Variants in PTPN3 observed in about 807,000 individuals in gnomAD.
The protein encoded by PTPN3 is protein tyrosine phosphatase non-receptor type 3.
In PTPN3, 96 loss-of-function variants were observed where a neutral mutation model predicts 132.7. The observed-to-expected ratio is 0.72, with a 90% CI of 0.61 to 0.86. The LOEUF (loss-of-function observed/expected upper bound fraction) is 0.86. Among genes scored for constraint, PTPN3 ranks in the 40% least tolerant of loss-of-function variants. The probability of loss-of-function intolerance (pLI) is 0.00; values close to 1 mark genes in which losing one functional copy is unlikely to be tolerated. For synonymous variants in PTPN3, 398 were observed against 429.0 expected (o/e 0.93, Z 0.89); for missense variants, 1,125 against 1,159.6 (o/e 0.97, Z 0.43).
chr9:109,413,523 G>A (rs1194937367), intron 14 of PTPN3, among the ~76,000 whole-genome samples: 1 of 152,232 alleles, frequency 6.6e-6, no homozygotes, highest in African/African-American at 2.4e-5. Context: ...TGGGCAGAAT[G>A]CAGTGCGGCT....
chr9:109,464,580 C>A (rs150321106), intron 1 of PTPN3, among the ~76,000 whole-genome samples: 1 of 152,138 alleles, frequency 6.6e-6, no homozygotes, highest in East Asian at 1.9e-4. Flanking sequence ...TTTAAAGTCA[C>A]GACAATTCAA....
Position 109,408,324 on chromosome 9 carries a change from T to C in PTPN3, c.1632A>G (p.Ser544=). ...PLVVSRINPE[S]PADTCIPKLN... Reference sequence around the variant, plus strand: ...AACATGGAATGTATTTACTTACAGGTGACTCTGGGTTTATCCTTGATACCA... The same window carrying C: ...AACATGGAATGTATTTACTTACAGGCGACTCTGGGTTTATCCTTGATACCA... The change falls in exon 17 of 26, where the codon TCA becomes TCG. Residue 544 remains serine (S), a synonymous_variant. Coordinates refer to ENST00000374541, the MANE Select transcript of PTPN3 (RefSeq NM_002829.4). 1.3e-6 allele frequency: 2 copies of C among 1,566,098 alleles called. No homozygotes were observed.
chr9:109,395,529 G>A (rs1409180552), intron 19 of PTPN3, among the ~76,000 whole-genome samples: 1 of 152,200 alleles, frequency 6.6e-6, no homozygotes, highest in East Asian at 1.9e-4. Flanking sequence ...GCTCATGCCT[G>A]TAATCCCAGC....
At chr9:109,425,702 A>G (rs1843212437) in intron 12 of PTPN3, among the ~76,000 whole-genome samples, 4 of 148,684 alleles carry the variant, frequency 2.7e-5, no homozygotes, top group South Asian at 4.3e-4. Flanking sequence ...CTTCGTCTCA[A>G]AACAAAACAA....
At chr9:109,383,005 G>A (rs1465512991) in intron 23 of PTPN3, among the ~76,000 whole-genome samples, 1 of 152,076 alleles carries the variant, frequency 6.6e-6, no homozygotes, top group Non-Finnish European at 1.5e-5. Context: ...TCTACTTTCT[G>A]TCTCTATGAA....
chr9:109,462,288 G>A (rs543959013), intron 2 of PTPN3, among the ~76,000 whole-genome samples: 3 of 152,348 alleles, frequency 2.0e-5, no homozygotes, highest in Admixed American at 6.5e-5. Flanking sequence ...AGCACCCACC[G>A]TGCTAAAACT....
chr9:109,516,502 A>T, the PTPN3 span, among the ~76,000 whole-genome samples: 1 of 152,122 alleles, frequency 6.6e-6, no homozygotes, highest in African/African-American at 2.4e-5. Flanking sequence ...ATATACATTT[A>T]AGATCCATGG....
intron 1 of PTPN3, among the ~76,000 whole-genome samples, chr9:109,485,621 G>C (rs1421020654): frequency 6.6e-6 from 1 of 152,216 alleles, no homozygotes; most frequent in East Asian, 1.9e-4. Flanking sequence ...ACCTTCCCCA[G>C]GAGAGCTCCC....
intron 14 of PTPN3, among the ~76,000 whole-genome samples, chr9:109,415,689 G>A (rs891175291): frequency 3.9e-5 from 6 of 152,206 alleles, no homozygotes; most frequent in Admixed American, 2.6e-4. Context: ...GGAGTCAAAT[G>A]TAAGAGATGT....
At chr9:109,506,465 C>G in the PTPN3 span, among the ~76,000 whole-genome samples, 1 of 141,230 alleles carries the variant, frequency 7.1e-6, no homozygotes, top group African/African-American at 2.6e-5. Flanking sequence ...TCTTTCATTT[C>G]TCTCCCCTTC....
rs77417934 is a variant in PTPN3, at chr9:109,391,086, G to A, written c.2106+52C>T. ...AAGCCCCACACAGGCCCTCATCATC[G>A]TTGCGACAGTGGTGAATGTGCTCTT... On this transcript the variant is annotated intron_variant, in intron 21 of 25. Coordinates refer to ENST00000374541, the MANE Select transcript of PTPN3 (RefSeq NM_002829.4). 380 of 1,530,034 alleles carry A rather than the reference G, an allele frequency of 2.5e-4. 3 individuals carry two copies. The East Asian group carries it at 7.0e-3, about 28-fold the overall frequency. 94.8% of individuals were successfully genotyped at this position (1,530,034 alleles called of 1,614,324 possible).
chr9:109,382,528 C>T (rs945738109), intron 23 of PTPN3, 81 bp from the exon 24 acceptor site: 3 of 1,507,364 alleles, frequency 2.0e-6, no homozygotes, highest in African/African-American at 2.8e-5. Context: ...CACAGGGTGG[C>T]CCTGTCTCCT....
intron 1 of PTPN3, among the ~76,000 whole-genome samples, chr9:109,466,119 C>T (rs1190876851): frequency 2.6e-5 from 4 of 152,122 alleles, no homozygotes; most frequent in Non-Finnish European, 4.4e-5. Context: ...CCACTAGATG[C>T]GAAGCCCCAC....
chr9:109,534,542 C>T, the PTPN3 span, among the ~76,000 whole-genome samples: 127 of 150,348 alleles, frequency 8.4e-4, no homozygotes, highest in Non-Finnish European at 1.5e-3. Flanking sequence ...TTTGGGAGGC[C>T]GAGGCGGGCG....
chr9:109,404,517 G>C lies in PTPN3; in HGVS notation c.1884C>G (p.Asp628Glu). The change falls in exon 19 of 26, where the codon GAC (aspartate) becomes GAG (glutamate). Residue 628 changes from aspartate (D) to glutamate (E), a missense_variant. By Grantham distance (45) the Asp-to-Glu change is conservative. Transcript: ENST00000374541. ...GCTGTGCCATGGATCCCTCCAAAGTGTCCCCACCCTCCGGACACATGGGGA... is the reference window on the plus strand; with the variant it reads ...GCTGTGCCATGGATCCCTCCAAAGTCTCCCCACCCTCCGGACACATGGGGA... Reference protein sequence around the residue: ...AIFPMCPEGGDTLEGSMAQLK... With the variant: ...AIFPMCPEGGETLEGSMAQLK... The C allele has an allele frequency of 7.0e-6, 11 of 1,568,166 alleles. No individual in the cohort carries two copies. The highest frequency in any genetic ancestry group is 8.7e-6 in the Non-Finnish European group (10 of 1,149,854).
At chr9:109,386,295 A>G (rs1839577981) in intron 22 of PTPN3, among the ~76,000 whole-genome samples, 1 of 152,196 alleles carries the variant, frequency 6.6e-6, no homozygotes, top group African/African-American at 2.4e-5. Flanking sequence ...CCAAAGAAGG[A>G]GAGAGAGCAC....
the PTPN3 span, among the ~76,000 whole-genome samples, chr9:109,509,429 C>G: frequency 6.6e-6 from 1 of 152,212 alleles, no homozygotes; most frequent in African/African-American, 2.4e-5. Context: ...TCAGGGGCCT[C>G]TCCCTCTGCA....
intron 1 of PTPN3, among the ~76,000 whole-genome samples, chr9:109,495,604 C>T (rs1439507257): frequency 6.6e-6 from 1 of 152,192 alleles, no homozygotes; most frequent in Non-Finnish European, 1.5e-5. Context: ...ACAAACCCCA[C>T]TGTGTGTGAA....
chr9:109,526,276 G>C, the PTPN3 span, among the ~76,000 whole-genome samples: 1 of 150,850 alleles, frequency 6.6e-6, no homozygotes, highest in Admixed American at 6.6e-5. Context: ...ATATTGATAA[G>C]ATATTAATTT....
Sources: gnomAD v4.1 joint callset for allele counts (sites outside exome capture counted in the v4.1 genomes callset) on GRCh38, gnomAD v4.1.1 for gene constraint, MANE v1.5 for transcripts, NCBI Gene and HGNC (gene_info 2026-07-23, HGNC 2026-07-21) for gene names.